The following AMPH variants were observed in gnomAD, a reference collection of about 807,000 sequenced individuals.
AMPH encodes amphiphysin (Stiff-Mann syndrome with breast cancer 128kD autoantigen).
In AMPH, 49 loss-of-function variants were observed where a neutral mutation model predicts 99.1. That is an observed-to-expected ratio of 0.49 (90% CI 0.39 to 0.63). The LOEUF (loss-of-function observed/expected upper bound fraction) is 0.63. Ranked by LOEUF, AMPH falls within the 20% of genes least tolerant of loss-of-function variation. The probability of loss-of-function intolerance (pLI) is 0.00; values close to 1 mark genes in which losing one functional copy is unlikely to be tolerated. For synonymous variants in AMPH, 314 were observed against 317.3 expected, an observed-to-expected ratio of 0.99 and a Z score of 0.11; for missense variants, 759 against 863.4, an observed-to-expected ratio of 0.88 and a Z score of 1.52.
intron 17 of AMPH, among the ~76,000 whole-genome samples, chr7:38,406,712 TCCTCTCTCTCTCCCTTTC>T (rs1237453182): frequency 5.2e-4 from 62 of 119,754 alleles, no homozygotes; most frequent in Non-Finnish European, 8.1e-4. Flanking sequence ...CTCTCTCCTC[TCCTCTCTCTCTCCCTTTC>T]CCTCTCTCTC....
At chr7:38,468,843 T>C (rs1242584881) in intron 7 of AMPH, among the ~76,000 whole-genome samples, 1 of 152,138 alleles carries the variant, frequency 6.6e-6, no homozygotes, top group Non-Finnish European at 1.5e-5. Flanking sequence ...TTGTAAAAAC[T>C]TAATGTAACC....
chr7:38,509,628 G>C (rs138812107), intron 2 of AMPH, among the ~76,000 whole-genome samples: 11 of 152,140 alleles, frequency 7.2e-5, no homozygotes, highest in African/African-American at 1.2e-4. Flanking sequence ...TTGAATTTGT[G>C]ACCCTTGAAA....
intron 1 of AMPH, among the ~76,000 whole-genome samples, chr7:38,575,110 G>A (rs772410737): frequency 6.7e-6 from 1 of 149,064 alleles, no homozygotes; most frequent in Admixed American, 6.7e-5. Flanking sequence ...ATGGAAAAGT[G>A]TAAGTATACC....
intron 10 of AMPH, among the ~76,000 whole-genome samples, chr7:38,462,759 C>T (rs1251044512): frequency 6.6e-6 from 1 of 152,084 alleles, no homozygotes; most frequent in African/African-American, 2.4e-5. Flanking sequence ...TAAGAAGTCC[C>T]AAAAAACTTG....
At chr7:38,628,484 A>G in intron 1 of AMPH, among the ~76,000 whole-genome samples, 1 of 152,220 alleles carries the variant, frequency 6.6e-6, no homozygotes, top group East Asian at 1.9e-4. Flanking sequence ...ATATAGAAAC[A>G]CTGGAAAAAT....
rs1784303096 is a variant in AMPH, at chr7:38,384,701, T to C, written c.*117A>G. ...GCTCCATTGATACATCTTCCCAAGG[T>C]TTGTCTGGCATCAGTCTGTAAATCA... On this transcript the variant is annotated 3_prime_UTR_variant, in exon 21 of 21. Transcript: ENST00000356264. 6 of 832,598 alleles carry C rather than the reference T, an allele frequency of 7.2e-6. No individual in the cohort carries two copies. In the Admixed American group the frequency reaches 1.3e-4, roughly 18 times the overall value. 51.6% of individuals were successfully genotyped at this position (832,598 alleles called of 1,614,324 possible).
Position 38,610,210 on chromosome 7 carries a change from C to T in AMPH, c.69+21073G>A, listed in dbSNP as rs182270321. Among the ~76,000 whole-genome samples, 236 of 117,068 alleles carry T rather than the reference C, an allele frequency of 2.0e-3. 2 individuals are homozygous for T. The highest frequency in any genetic ancestry group is 7.4e-3 in the African/African-American group (226 of 30,684). 76.8% of individuals were successfully genotyped at this position (117,068 alleles called of 152,430 possible). A position where few individuals can be genotyped will look rare whatever the true frequency, so the allele number is the denominator to read the frequency against. ...AAAATCGCACCATTGCACTCCAGCCCGGGCAACAAAAGCTAAGCTCTCTCA... is the reference window on the plus strand; with the variant it reads ...AAAATCGCACCATTGCACTCCAGCCTGGGCAACAAAAGCTAAGCTCTCTCA... On this transcript the variant is annotated intron_variant, in intron 1 of 20. Coordinates refer to ENST00000356264, the MANE Select transcript of AMPH (RefSeq NM_001635.4).
At chr7:38,395,982 AAAAG>A (rs1477586376) in intron 17 of AMPH, among the ~76,000 whole-genome samples, 2 of 152,246 alleles carry the variant, frequency 1.3e-5, no homozygotes, top group Non-Finnish European at 2.9e-5. Context: ...TTGGGAATGA[AAAAG>A]AAATGTTAAC....
chr7:38,550,279 T>G (rs1240501525), intron 1 of AMPH, among the ~76,000 whole-genome samples: 1 of 152,222 alleles, frequency 6.6e-6, no homozygotes, highest in African/African-American at 2.4e-5. Flanking sequence ...TCAGGCCCTA[T>G]TGCACAGTAC....
chr7:38,395,265 C>G (rs1189431959), intron 17 of AMPH, among the ~76,000 whole-genome samples: 2 of 152,022 alleles, frequency 1.3e-5, no homozygotes, highest in African/African-American at 2.4e-5. Context: ...TGAAAACCCT[C>G]GAGAATGAAG....
At chr7:38,476,398 T>C (rs1016709139) in intron 6 of AMPH, among the ~76,000 whole-genome samples, 4 of 152,218 alleles carry the variant, frequency 2.6e-5, no homozygotes. Context: ...TGACTTCAGT[T>C]AGTCGGCATC....
At position 38,494,525 on chromosome 7, in the gene AMPH, T is replaced by C. The variant is rs1167240285; in HGVS notation, c.208A>G (p.Met70Val). The C allele has an allele frequency of 1.2e-6, 2 of 1,613,342 alleles. No homozygotes were observed. Among genetic ancestry groups the C allele is most frequent in the Non-Finnish European group, 1.7e-6 (2 of 1,179,466 alleles). Residue 70 changes from methionine to valine, a missense_variant and splice_region_variant, in exon 4 of 21, where the codon ATG becomes GTG. Physicochemically the swap from Met to Val is conservative, Grantham distance 21 (BLOSUM62 1). Coordinates refer to ENST00000356264, the MANE Select transcript of AMPH (RefSeq NM_001635.4). ...LRGYLAAIKG[M>V]QEASMKLTES... ...GTGAGCTTCATGGAGGCCTCCTGCA[T>C]GCCTAGTGTTGGAGAGAAACAACTC... is the stretch of plus-strand genomic sequence containing the variant.
intron 2 of AMPH, among the ~76,000 whole-genome samples, chr7:38,505,289 G>A (rs1173181716): frequency 6.6e-6 from 1 of 152,166 alleles, no homozygotes; most frequent in Non-Finnish European, 1.5e-5. Context: ...AGGTATAGTG[G>A]CATTATTTCC....
chr7:38,431,939 C>A, intron 13 of AMPH: 1 of 541,132 alleles, frequency 1.8e-6, no homozygotes, highest in East Asian at 3.3e-5. Flanking sequence ...AAGGGCCAAA[C>A]TCTTGACCAT....
intron 1 of AMPH, among the ~76,000 whole-genome samples, chr7:38,603,122 C>T (rs62442569): frequency 0.051 from 7,727 of 152,034 alleles, 265 homozygotes; most frequent in Non-Finnish European, 0.073. Context: ...TCAAGACCAG[C>T]CTGGGCAACA....
At chr7:38,467,579 C>T (rs540902184) in intron 7 of AMPH, among the ~76,000 whole-genome samples, 9 of 151,812 alleles carry the variant, frequency 5.9e-5, no homozygotes, top group African/African-American at 1.7e-4. Flanking sequence ...TCTCTAGGAA[C>T]GTACAATCCA....
intron 17 of AMPH, among the ~76,000 whole-genome samples, chr7:38,410,402 G>T (rs934030651): frequency 1.3e-5 from 2 of 152,164 alleles, no homozygotes; most frequent in African/African-American, 4.8e-5. Context: ...CTTGAGGAGG[G>T]GCAGGCAGCT....
intron 2 of AMPH, among the ~76,000 whole-genome samples, chr7:38,525,277 T>TATATATATATATATATATAGAGAG (rs1481528083): frequency 2.3e-5 from 2 of 86,652 alleles, no homozygotes; most frequent in African/African-American, 9.5e-5. Context: ...TATATATATA[T>TATATATATATATATATATAGAGAG]AGAGAGAGAG....
At chr7:38,575,792 C>T (rs1792217699) in intron 1 of AMPH, among the ~76,000 whole-genome samples, 1 of 152,198 alleles carries the variant, frequency 6.6e-6, no homozygotes, top group South Asian at 2.1e-4. Context: ...GCTCCTTCCA[C>T]TTTGTTCATC....
Sources: gnomAD v4.1 joint callset for allele counts (sites outside exome capture counted in the v4.1 genomes callset) on GRCh38, gnomAD v4.1.1 for gene constraint, MANE v1.5 for transcripts, NCBI Gene and HGNC (gene_info 2026-07-23, HGNC 2026-07-21) for gene names.